The following CASZ1 variants were observed in gnomAD, a reference collection of about 807,000 sequenced individuals.
CASZ1 encodes zinc finger protein castor homolog 1.
Under a neutral mutation model 135.2 loss-of-function variants are expected in CASZ1, and 28 were observed. That is an observed-to-expected ratio of 0.21 (90% CI 0.15 to 0.28). CASZ1 has a LOEUF of 0.28. Among genes scored for constraint, CASZ1 ranks in the 10% least tolerant of loss-of-function variants. The probability of loss-of-function intolerance (pLI) is 1.00; values close to 1 mark genes in which losing one functional copy is unlikely to be tolerated. For missense variants in CASZ1, 2,161 were observed against 2,453.3 expected, an observed-to-expected ratio of 0.88 and a Z score of 2.52; for synonymous variants, 1,068 against 1,073.4, an observed-to-expected ratio of 0.99 and a Z score of 0.10.
chr1:10,687,963 C>T (rs1429417378), intron 4 of CASZ1, among the ~76,000 whole-genome samples: 3 of 152,222 alleles, frequency 2.0e-5, no homozygotes, highest in Non-Finnish European at 2.9e-5. Context: ...GCCAACATTT[C>T]CTGCCTTCCT....
rs760663887 is a variant in CASZ1 at position 10,741,996 on chromosome 1, C to T, written c.-77+18705G>A. Among the ~76,000 whole-genome samples, 43 of 152,040 alleles carry T rather than the reference C, an allele frequency of 2.8e-4. No individual in the cohort carries two copies. Among genetic ancestry groups the T allele is most frequent in the Non-Finnish European group, 5.4e-4 (37 of 68,006 alleles). On this transcript the variant is annotated intron_variant, in intron 2 of 20. Transcript: ENST00000377022. This position sits in a 1 kb window ranked among gnomAD's most constrained non-coding sequence, Gnocchi z 5.0. ...GACCCCTCACCGCTTCTCACGTGCCCCCAGCCGCAACCCCACCACGGCTGC... is the reference window on the plus strand; with the variant it reads ...GACCCCTCACCGCTTCTCACGTGCCTCCAGCCGCAACCCCACCACGGCTGC...
intron 1 of CASZ1, among the ~76,000 whole-genome samples, chr1:10,782,555 C>T (rs985628383): frequency 2.6e-5 from 4 of 152,228 alleles, no homozygotes; most frequent in African/African-American, 7.2e-5. Flanking sequence ...AGCGGCAGGT[C>T]CCATAAAAGC....
At chr1:10,748,620 T>G (rs1640092864) in intron 2 of CASZ1, among the ~76,000 whole-genome samples, 1 of 152,068 alleles carries the variant, frequency 6.6e-6, no homozygotes, top group South Asian at 2.1e-4. Context: ...TGGTACCTCT[T>G]TCTCGCAGTC....
chr1:10,770,814 T>C (rs777327475), intron 1 of CASZ1, among the ~76,000 whole-genome samples: 1 of 152,244 alleles, frequency 6.6e-6, no homozygotes, highest in African/African-American at 2.4e-5. Flanking sequence ...GGGGGCCATC[T>C]GCAAAGTCAA....
intron 4 of CASZ1, 64 bp from the exon 5 acceptor site, chr1:10,665,635 C>A: frequency 6.9e-7 from 1 of 1,457,752 alleles, no homozygotes; most frequent in Non-Finnish European, 9.0e-7. Flanking sequence ...CCCACCCTCC[C>A]GAACAGCCCT....
Position 10,788,043 on chromosome 1 carries a change from C to G in CASZ1, c.-234+8521G>C, listed in dbSNP as rs1640889974. Among the ~76,000 whole-genome samples, 1 of 152,202 alleles carries G rather than the reference C, an allele frequency of 6.6e-6. No individual in the cohort carries two copies. The highest frequency in any genetic ancestry group is 1.5e-5 in the Non-Finnish European group (1 of 68,034). On this transcript the variant is annotated intron_variant, in intron 1 of 20. Transcript: ENST00000377022. The surrounding 1 kb of genome is among the most constrained non-coding windows in gnomAD (Gnocchi z 4.1). ...AAACTATCCAAGGTTCAAACATGACCTTGCCTAAGACCGTTGCTCAAACAT... is the reference window on the plus strand; with the variant it reads ...AAACTATCCAAGGTTCAAACATGACGTTGCCTAAGACCGTTGCTCAAACAT...
rs1640386264 is a variant in CASZ1, at chr1:10,762,046, C to T, written c.-233-1189G>A. 1.3e-5 allele frequency among the ~76,000 whole-genome samples: 2 copies of T among 152,168 alleles called. No individual in the cohort carries two copies. The highest frequency in any genetic ancestry group is 2.9e-5 in the Non-Finnish European group (2 of 68,014). On this transcript the variant is annotated intron_variant, in intron 1 of 20. Coordinates refer to ENST00000377022, the MANE Select transcript of CASZ1 (RefSeq NM_001079843.3). This position sits in a 1 kb window ranked among gnomAD's most constrained non-coding sequence, Gnocchi z 4.1. ...TGTGGGCAGCTGCCCTGCAGGTTCTCCAACTTGGCCCGGCCCTCAGAGTCC... is the reference window on the plus strand; with the variant it reads ...TGTGGGCAGCTGCCCTGCAGGTTCTTCAACTTGGCCCGGCCCTCAGAGTCC...
At chr1:10,640,108 CCAT>C in intron 20 of CASZ1, 49 bp from the exon 21 acceptor site, 1 of 1,559,978 alleles carries the variant, frequency 6.4e-7, no homozygotes, top group South Asian at 1.2e-5. Context: ...CACGTGGGCA[CCAT>C]CAACAGGGTT....
In CASZ1 at chr1:10,648,049, G is replaced by A. The variant is rs756841367; in HGVS notation, c.3249C>T (p.Ala1083=). ...CAGGAGGGACCGGAGGGGACGAGGG[G>A]GCCATGGGAGGTTTGGTCTCGGCGG... ...ASAAETKPPM[A]PSSPPVPPVT... is the part of the protein sequence containing the mutation. The change falls in exon 16 of 21, where the codon GCC becomes GCT. Residue 1083 remains alanine (A), a synonymous_variant. Coordinates refer to ENST00000377022, the MANE Select transcript of CASZ1 (RefSeq NM_001079843.3). The A allele has an allele frequency of 3.7e-5, 60 of 1,600,808 alleles. No homozygotes were observed. In the East Asian group the frequency reaches 1.3e-3, roughly 33 times the overall value.
At position 10,639,169 on chromosome 1, in the gene CASZ1, G is replaced by A. The variant is rs992991807; in HGVS notation, c.5053C>T (p.Pro1685Ser). The A allele has an allele frequency of 1.3e-5, 14 of 1,043,756 alleles. No homozygotes were observed. The African/African-American group carries it at 2.1e-4, about 16-fold the overall frequency. The allele number at this position is 1,043,756 out of a possible 1,614,324, so 64.7% of individuals were successfully genotyped here. A position where few individuals can be genotyped will look rare whatever the true frequency, so the allele number is the denominator to read the frequency against. The change falls in exon 21 of 21, where the codon CCG (proline) becomes TCG (serine). Residue 1685 changes from proline to serine, a missense_variant. Around this residue, in one of 7 missense-constraint regions of CASZ1, gnomAD observed 185 missense variants for 134.7 expected, o/e 1.37. Coordinates refer to ENST00000377022, the MANE Select transcript of CASZ1 (RefSeq NM_001079843.3). This position sits in a 1 kb window ranked among gnomAD's most constrained non-coding sequence, Gnocchi z 4.0. Reference protein sequence around the residue: ...QEDEEEELELPEEEAEDDEDE... With the variant: ...QEDEEEELELSEEEAEDDEDE... ...TCGTCGTCTTCGGCCTCCTCCTCCG[G>A]CAGCTCCAGCTCCTCCTCCTCGTCC...
chr1:10,659,885 G>A lies in CASZ1; in HGVS notation c.1157C>T (p.Pro386Leu), dbSNP rs1235113398. The A allele has an allele frequency of 6.2e-7, 1 of 1,611,024 alleles. No individual in the cohort carries two copies. The highest frequency in any genetic ancestry group is 8.5e-7 in the Non-Finnish European group (1 of 1,178,872). The change falls in exon 6 of 21, where the codon CCC (proline) becomes CTC (leucine). Residue 386 changes from proline (P) to leucine (L), a missense_variant. Physicochemically the swap from Pro to Leu is moderately conservative, Grantham distance 98. Transcript: ENST00000377022. ...YDVRGIQKPG[P>L]AKVPPTPSLA... Reference sequence around the variant, plus strand: ...GCTGGGGGTGGGCGGAACCTTGGCGGGGCCTGGCTTCTGGATGCCCCGGAC... The same window carrying A: ...GCTGGGGGTGGGCGGAACCTTGGCGAGGCCTGGCTTCTGGATGCCCCGGAC...
chr1:10,655,859 C>A, intron 8 of CASZ1, 46 bp from the exon 9 acceptor site: 1 of 1,596,510 alleles, frequency 6.3e-7, no homozygotes, highest in Non-Finnish European at 8.6e-7. Flanking sequence ...AGCTCCCCCT[C>A]CGCCCTTCCT....
rs7533056 is a variant in CASZ1 at position 10,771,843 on chromosome 1, G to A, written c.-233-10986C>T. On this transcript the variant is annotated intron_variant, in intron 1 of 20. Coordinates refer to ENST00000377022, the MANE Select transcript of CASZ1 (RefSeq NM_001079843.3). ...GCACCCAGGACTCCCCCTGGAACCC[G>A]CTTCCAGCCTTGATGGTGAGGATGC... 5.3e-3 allele frequency among the ~76,000 whole-genome samples: 805 copies of A among 152,248 alleles called. 5 individuals are homozygous for A. Among genetic ancestry groups the A allele is most frequent in the African/African-American group, 0.019 (772 of 41,536 alleles).
In CASZ1 at chr1:10,763,463, A is replaced by G. The variant is rs80326053; in HGVS notation, c.-233-2606T>C. 7.8e-3 allele frequency among the ~76,000 whole-genome samples: 1,194 copies of G among 152,244 alleles called. 14 individuals carry two copies. Among genetic ancestry groups the G allele is most frequent in the African/African-American group, 0.025 (1,033 of 41,552 alleles). ...CTTGCAGGCTGCGCGGAGGATGGACAAGAGGCGTGAAAGGGTGTTAACAAG... is the reference window on the plus strand; with the variant it reads ...CTTGCAGGCTGCGCGGAGGATGGACGAGAGGCGTGAAAGGGTGTTAACAAG... On this transcript the variant is annotated intron_variant, in intron 1 of 20. Coordinates refer to ENST00000377022, the MANE Select transcript of CASZ1 (RefSeq NM_001079843.3).
chr1:10,640,226 T>C, intron 20 of CASZ1, 167 bp from the exon 21 acceptor site: 1 of 963,406 alleles, frequency 1.0e-6, no homozygotes, highest in Non-Finnish European at 1.5e-6. Flanking sequence ...GCCCCCTCCC[T>C]ACCCTGGCAC....
rs180842330 is a variant in CASZ1 at position 10,700,111 on chromosome 1, A to G, written c.-24+5381T>C. Among the ~76,000 whole-genome samples the G allele has an allele frequency of 6.6e-6, 1 of 151,906 alleles. No homozygotes were observed. The highest frequency in any genetic ancestry group is 1.5e-5 in the Non-Finnish European group (1 of 67,964). On this transcript the variant is annotated intron_variant, in intron 3 of 20. Coordinates refer to ENST00000377022, the MANE Select transcript of CASZ1 (RefSeq NM_001079843.3). This position sits in a 1 kb window ranked among gnomAD's most constrained non-coding sequence, Gnocchi z 4.2. ...CACACACACACACACACACACACACACACACAGAGTATGAAGCAGGGACCT... is the reference window on the plus strand; with the variant it reads ...CACACACACACACACACACACACACGCACACAGAGTATGAAGCAGGGACCT...
rs1197304760 is a variant in CASZ1, at chr1:10,757,719, C to T, written c.-77+2982G>A. Among the ~76,000 whole-genome samples the T allele has an allele frequency of 1.3e-5, 2 of 152,118 alleles. No homozygotes were observed. The highest frequency in any genetic ancestry group is 6.5e-5 in the Admixed American group (1 of 15,270). ...AGGAGAATCACCTGAACCCGGGAGG[C>T]GGAGGTTGCAGTGAGCCAAGATTGC... is the stretch of plus-strand genomic sequence containing the variant. On this transcript the variant is annotated intron_variant, in intron 2 of 20. Coordinates refer to ENST00000377022, the MANE Select transcript of CASZ1 (RefSeq NM_001079843.3). This position sits in a 1 kb window ranked among gnomAD's most constrained non-coding sequence, Gnocchi z 4.6.
In CASZ1 at chr1:10,688,621, C is replaced by T. The variant is rs72860110; in HGVS notation, c.16+5253G>A. On this transcript the variant is annotated intron_variant, in intron 4 of 20. Coordinates refer to ENST00000377022, the MANE Select transcript of CASZ1 (RefSeq NM_001079843.3). The stretch of plus-strand genomic sequence containing the variant: ...GGCAGACGCTGCCAACACAGGGGCC[C>T]GGGCAGTCCTCATTTCCGTCCCTCT... Among the ~76,000 whole-genome samples, 471 of 152,292 alleles carry T rather than the reference C, an allele frequency of 3.1e-3. 6 individuals are homozygous for T. Among genetic ancestry groups the T allele is most frequent in the African/African-American group, 0.011 (445 of 41,564 alleles).
intron 2 of CASZ1, among the ~76,000 whole-genome samples, chr1:10,743,899 C>T (rs1213634014): frequency 1.2e-4 from 11 of 95,392 alleles, no homozygotes; most frequent in South Asian, 3.3e-4. Flanking sequence ...CATGGGGCGG[C>T]GGGGGGAGGC....
Sources: gnomAD v4.1 joint callset for allele counts (sites outside exome capture counted in the v4.1 genomes callset) on GRCh38, gnomAD v4.1.1 for gene constraint, gnomAD v4.1.1 regional missense constraint, Gnocchi (gnomAD v3.1) non-coding constraint, MANE v1.5 for transcripts, NCBI Gene and HGNC (gene_info 2026-07-23, HGNC 2026-07-21) for gene names.